Variants in SHISA6 observed in about 807,000 individuals in gnomAD.
SHISA6 encodes protein shisa-6.
Under a neutral mutation model 47.9 loss-of-function variants are expected in SHISA6, and 22 were observed. The ratio of observed to expected loss-of-function variants is 0.46; its 90% confidence interval spans 0.33 to 0.66. SHISA6 has a LOEUF of 0.66. Among genes scored for constraint, SHISA6 ranks in the 30% least tolerant of loss-of-function variants. SHISA6 has a pLI of 0.02. For missense variants in SHISA6, 680 were observed against 764.6 expected (o/e 0.89, Z 1.30); for synonymous variants, 388 against 337.8 (o/e 1.15, Z -1.63).
intron 3 of SHISA6, among the ~76,000 whole-genome samples, chr17:11,476,057 A>G (rs1256714166): frequency 2.6e-5 from 4 of 151,988 alleles, no homozygotes; most frequent in African/African-American, 9.7e-5. Flanking sequence ...TCTAGGTTAT[A>G]TAATTTGTGG....
At chr17:11,501,083 G>T (rs2071448599) in intron 3 of SHISA6, among the ~76,000 whole-genome samples, 1 of 151,688 alleles carries the variant, frequency 6.6e-6, no homozygotes, top group African/African-American at 2.4e-5. Flanking sequence ...GAGGCCAGGT[G>T]CTTAATTATT....
At chr17:11,287,727 A>G (rs913250812) in intron 2 of SHISA6, among the ~76,000 whole-genome samples, 41 of 1,698 alleles carry the variant, frequency 0.024, no homozygotes, top group Admixed American at 0.037. Context: ...GGGAGGGAGG[A>G]AGGGGCTGGG....
chr17:11,326,453 CAAT>C (rs894863171), intron 2 of SHISA6, among the ~76,000 whole-genome samples: 3 of 152,166 alleles, frequency 2.0e-5, no homozygotes, highest in Middle Eastern at 3.4e-3. Flanking sequence ...TCTAAACTCT[CAAT>C]GATGTAAATG....
At chr17:11,302,104 A>G (rs1411434180) in intron 2 of SHISA6, among the ~76,000 whole-genome samples, 2 of 151,966 alleles carry the variant, frequency 1.3e-5, no homozygotes, top group Non-Finnish European at 2.9e-5. Context: ...TGATTCAGTT[A>G]CCTCCCCTCC....
intron 3 of SHISA6, among the ~76,000 whole-genome samples, chr17:11,391,835 G>A (rs1297860289): frequency 2.0e-5 from 3 of 152,134 alleles, no homozygotes; most frequent in African/African-American, 7.2e-5. Context: ...CATCGAATAA[G>A]GTGGGGAGCT....
chr17:11,452,578 G>T (rs1275463216), intron 3 of SHISA6, among the ~76,000 whole-genome samples: 4 of 152,160 alleles, frequency 2.6e-5, no homozygotes, highest in Non-Finnish European at 4.4e-5. Flanking sequence ...CTGAAAGGTT[G>T]GCACTGAATC....
chr17:11,348,474 A>G (rs1401139867), intron 2 of SHISA6, among the ~76,000 whole-genome samples: 7 of 152,194 alleles, frequency 4.6e-5, no homozygotes, highest in African/African-American at 1.7e-4. Context: ...AAAAGAATTA[A>G]ATAATTATTT....
At chr17:11,543,546 C>T (rs2142380764) in intron 3 of SHISA6, among the ~76,000 whole-genome samples, 1 of 152,188 alleles carries the variant, frequency 6.6e-6, no homozygotes, top group South Asian at 2.1e-4. Flanking sequence ...AAATAATGTA[C>T]AGATTCAATG....
At chr17:11,451,997 A>G (rs1157666227) in intron 3 of SHISA6, among the ~76,000 whole-genome samples, 1 of 152,236 alleles carries the variant, frequency 6.6e-6, no homozygotes, top group Admixed American at 6.5e-5. Flanking sequence ...GTTTACCATC[A>G]AGGTCCTGCT....
intron 2 of SHISA6, among the ~76,000 whole-genome samples, chr17:11,312,063 C>T (rs574533025): frequency 1.3e-5 from 2 of 152,246 alleles, no homozygotes; most frequent in Non-Finnish European, 1.5e-5. Context: ...TGTGAGCCAC[C>T]ACACCCAGCT....
intron 3 of SHISA6, among the ~76,000 whole-genome samples, chr17:11,542,774 T>C (rs2071844744): frequency 6.6e-6 from 1 of 152,172 alleles, no homozygotes; most frequent in South Asian, 2.1e-4. Context: ...CTCCTTCAGA[T>C]GGGGGCCAAC....
chr17:11,373,543 C>T (rs748142486), intron 2 of SHISA6, among the ~76,000 whole-genome samples: 1 of 152,198 alleles, frequency 6.6e-6, no homozygotes, highest in Non-Finnish European at 1.5e-5. Context: ...AAATCTCTAT[C>T]ATTTCAATGA....
intron 3 of SHISA6, among the ~76,000 whole-genome samples, chr17:11,384,136 A>G (rs1342488061): frequency 6.6e-6 from 1 of 152,236 alleles, no homozygotes; most frequent in Non-Finnish European, 1.5e-5. Flanking sequence ...CAGTTGAGCA[A>G]CTTGCCTAAG....
At chr17:11,312,208 A>G (rs994654151) in intron 2 of SHISA6, among the ~76,000 whole-genome samples, 24 of 152,202 alleles carry the variant, frequency 1.6e-4, no homozygotes, top group Admixed American at 1.6e-3. Flanking sequence ...ACTTTTATCC[A>G]TTAATCCTTT....
At chr17:11,361,898 T>G (rs1567584620) in intron 2 of SHISA6, among the ~76,000 whole-genome samples, 1 of 152,130 alleles carries the variant, frequency 6.6e-6, no homozygotes, top group Non-Finnish European at 1.5e-5. Flanking sequence ...CATAAAGCAC[T>G]GTGCTGTGGA....
intron 3 of SHISA6, 79 bp downstream of exon 3, chr17:11,379,588 G>A (rs1912941128): frequency 2.1e-6 from 2 of 973,076 alleles, no homozygotes; most frequent in Admixed American, 2.4e-5. Flanking sequence ...TGGTGTGGAG[G>A]CCAGAGGCTT....
At chr17:11,381,276 C>A (rs1912998502) in intron 3 of SHISA6, among the ~76,000 whole-genome samples, 1 of 152,192 alleles carries the variant, frequency 6.6e-6, no homozygotes, top group Admixed American at 6.5e-5. Context: ...CAACAGAACT[C>A]TTTATACATA....
intron 2 of SHISA6, among the ~76,000 whole-genome samples, chr17:11,264,737 C>T (rs1362444245): frequency 6.6e-6 from 1 of 152,170 alleles, no homozygotes; most frequent in Non-Finnish European, 1.5e-5. Context: ...AGCAAAGGTG[C>T]TGATGAGACC....
At chr17:11,293,116 C>T (rs1377538088) in intron 2 of SHISA6, among the ~76,000 whole-genome samples, 5 of 152,072 alleles carry the variant, frequency 3.3e-5, no homozygotes, top group Non-Finnish European at 4.4e-5. Flanking sequence ...TGAGCCACTG[C>T]GCCCGGCCTC....
Sources: gnomAD v4.1 joint callset for allele counts (sites outside exome capture counted in the v4.1 genomes callset) on GRCh38, gnomAD v4.1.1 for gene constraint, MANE v1.5 for transcripts, NCBI Gene and HGNC (gene_info 2026-07-23, HGNC 2026-07-21) for gene names.